The following USP12 variants were observed in gnomAD, a reference collection of about 807,000 sequenced individuals.
USP12 encodes ubiquitin carboxyl-terminal hydrolase 12.
In USP12, 19 loss-of-function variants were observed where a neutral mutation model predicts 45.5. The observed-to-expected ratio is 0.42, with a 90% CI of 0.29 to 0.61. The LOEUF (loss-of-function observed/expected upper bound fraction) is 0.61. Ranked by LOEUF, USP12 falls within the 20% of genes least tolerant of loss-of-function variation. The pLI is 0.22. For missense variants in USP12, 242 were observed against 447.7 expected, an observed-to-expected ratio of 0.54 and a Z score of 4.15; for synonymous variants, 149 against 148.8, an observed-to-expected ratio of 1.00 and a Z score of -0.01.
intron 6 of USP12, among the ~76,000 whole-genome samples, chr13:27,088,690 C>A (rs573869887): frequency 1.9e-4 from 29 of 152,256 alleles, no homozygotes; most frequent in Non-Finnish European, 3.7e-4. Flanking sequence ...CCTGTGTTGT[C>A]ACAATTCAAT....
intron 6 of USP12, among the ~76,000 whole-genome samples, chr13:27,088,035 T>C (rs923006900): frequency 1.3e-5 from 2 of 152,192 alleles, no homozygotes; most frequent in Non-Finnish European, 2.9e-5. Flanking sequence ...GTAAAACATC[T>C]GGGGAACATT....
intron 1 of USP12, among the ~76,000 whole-genome samples, chr13:27,128,028 T>C (rs557116025): frequency 6.6e-6 from 1 of 152,364 alleles, no homozygotes; most frequent in South Asian, 2.1e-4. Context: ...TTTTATTCAG[T>C]ATTTTCAATG....
chr13:27,152,741 G>A (rs1593211248), intron 1 of USP12, among the ~76,000 whole-genome samples: 1 of 151,708 alleles, frequency 6.6e-6, no homozygotes, highest in East Asian at 2.0e-4. Flanking sequence ...AGGAGATAGA[G>A]ACCATCCTGG....
intron 1 of USP12, among the ~76,000 whole-genome samples, chr13:27,120,350 G>A (rs1249834632): frequency 6.6e-6 from 1 of 152,160 alleles, no homozygotes; most frequent in Non-Finnish European, 1.5e-5. Context: ...AAGGCGTGAT[G>A]GTGAGTTAAG....
At chr13:27,126,179 C>A (rs1394701458) in intron 1 of USP12, among the ~76,000 whole-genome samples, 2 of 152,208 alleles carry the variant, frequency 1.3e-5, no homozygotes, top group Non-Finnish European at 2.9e-5. Context: ...CAAGTGGGTC[C>A]CTGACTGGGA....
intron 1 of USP12, among the ~76,000 whole-genome samples, chr13:27,134,538 T>A (rs1457195739): frequency 5.3e-5 from 8 of 152,238 alleles, no homozygotes; most frequent in African/African-American, 1.9e-4. Context: ...TCAGGTCCCC[T>A]AAAGTCTTCC....
At position 27,129,102 on chromosome 13, in the gene USP12, T is replaced by TA. The variant is rs958393374; in HGVS notation, c.49-12507dup. 6.6e-6 allele frequency among the ~76,000 whole-genome samples: 1 copy of TA among 151,822 alleles called. No individual in the cohort carries two copies. The highest frequency in any genetic ancestry group is 1.5e-5 in the Non-Finnish European group (1 of 67,928). ...CTCGGAATATTCCATACACTTCAAA[T>TA]AAAAAAAAGTACTCATATTGTGAAC... On this transcript the variant is annotated intron_variant, in intron 1 of 8. Transcript: ENST00000282344. The surrounding 1 kb of genome is among the most constrained non-coding windows in gnomAD (Gnocchi z 4.0).
intron 1 of USP12, among the ~76,000 whole-genome samples, chr13:27,130,561 C>CAAAAAAAAAAAAAA (rs5802413): frequency 8.0e-6 from 1 of 124,792 alleles, no homozygotes. Flanking sequence ...CAAAACATGC[C>CAAAAAAAAAAAAAA]AAAAAAAAAA....
At chr13:27,138,144 T>G (rs755223835) in intron 1 of USP12, among the ~76,000 whole-genome samples, 1 of 152,246 alleles carries the variant, frequency 6.6e-6, no homozygotes, top group Non-Finnish European at 1.5e-5. Flanking sequence ...GAAACTGTTA[T>G]ATAACATGAG....
chr13:27,082,667 G>A (rs1873812962), intron 6 of USP12, among the ~76,000 whole-genome samples: 1 of 152,204 alleles, frequency 6.6e-6, no homozygotes, highest in Non-Finnish European at 1.5e-5. Context: ...TAAAGTGAGA[G>A]ACATGTAAAT....
rs183294430 is a variant in USP12, at chr13:27,132,426, G to A, written c.49-15830C>T. Among the ~76,000 whole-genome samples the A allele has an allele frequency of 5.9e-4, 89 of 150,094 alleles. 1 individual carries two copies. The East Asian group carries it at 0.014, about 23-fold the overall frequency. On this transcript the variant is annotated intron_variant, in intron 1 of 8. Transcript: ENST00000282344. ...ATTCCAATAAAAAGCAGTACAGGAAGGCAAAAAAAAAGAAAAGAAAAAGAA... is the reference window on the plus strand; with the variant it reads ...ATTCCAATAAAAAGCAGTACAGGAAAGCAAAAAAAAAGAAAAGAAAAAGAA...
At chr13:27,070,794 C>G (rs1873213834) in intron 8 of USP12, among the ~76,000 whole-genome samples, 1 of 152,104 alleles carries the variant, frequency 6.6e-6, no homozygotes, top group African/African-American at 2.4e-5. Flanking sequence ...CTCAGGTGAT[C>G]CGCCCGCCTC....
chr13:27,087,914 G>A (rs1468662344), intron 6 of USP12, among the ~76,000 whole-genome samples: 1 of 152,122 alleles, frequency 6.6e-6, no homozygotes, highest in Non-Finnish European at 1.5e-5. Context: ...TTTTAAAAGT[G>A]AATAAAATGA....
At chr13:27,090,032 C>G in intron 5 of USP12, 50 bp downstream of exon 5, 1 of 1,574,358 alleles carries the variant, frequency 6.4e-7, no homozygotes, top group Non-Finnish European at 8.7e-7. Flanking sequence ...AAAAAATATT[C>G]CAGACTAAAA....
rs573537770 is a variant in USP12, at chr13:27,102,521, C to T, written c.343+3210G>A. ...CCTGTTCTTCTGACTTTATCTTCATCTTATTCCACTCTTGCCATGCTAATT... is the reference window on the plus strand; with the variant it reads ...CCTGTTCTTCTGACTTTATCTTCATTTTATTCCACTCTTGCCATGCTAATT... On this transcript the variant is annotated intron_variant, in intron 3 of 8. Transcript: ENST00000282344. Among the ~76,000 whole-genome samples the T allele has an allele frequency of 5.9e-5, 9 of 152,354 alleles. No homozygotes were observed. The South Asian group carries it at 1.7e-3, about 28-fold the overall frequency.
intron 1 of USP12, among the ~76,000 whole-genome samples, chr13:27,159,589 C>T (rs1878009953): frequency 1.3e-5 from 2 of 152,210 alleles, no homozygotes; most frequent in Admixed American, 1.3e-4. Flanking sequence ...AATATCCTAA[C>T]TCTCTTTAAC....
intron 1 of USP12, chr13:27,170,266 T>G: frequency 2.5e-6 from 1 of 398,522 alleles, no homozygotes; most frequent in East Asian, 3.6e-5. Context: ...TTTTTTGTAC[T>G]GTTCCTCAGC....
chr13:27,156,914 G>A (rs75678597), intron 1 of USP12, among the ~76,000 whole-genome samples: 2,016 of 152,260 alleles, frequency 0.013, 104 homozygotes, highest in Admixed American at 0.081. Flanking sequence ...AGCATGATCC[G>A]GCGGCAAAAG....
chr13:27,114,751 T>A (rs1260741280), intron 2 of USP12, among the ~76,000 whole-genome samples: 2 of 148,692 alleles, frequency 1.3e-5, no homozygotes, highest in Non-Finnish European at 3.0e-5. Flanking sequence ...CTGTGGGTAT[T>A]TTCCTCCTCT....
Sources: gnomAD v4.1 joint callset for allele counts (sites outside exome capture counted in the v4.1 genomes callset) on GRCh38, gnomAD v4.1.1 for gene constraint, Gnocchi (gnomAD v3.1) non-coding constraint, MANE v1.5 for transcripts, NCBI Gene and HGNC (gene_info 2026-07-23, HGNC 2026-07-21) for gene names.